Variants in SNTB1 observed in about 807,000 individuals in gnomAD.
SNTB1 encodes the protein syntrophin beta 1.
Under a neutral mutation model 48.9 loss-of-function variants are expected in SNTB1, and 36 were observed. That is an observed-to-expected ratio of 0.74 (90% CI 0.56 to 0.97). The LOEUF (loss-of-function observed/expected upper bound fraction) is 0.97. SNTB1 is among the 50% of genes least tolerant of loss of function. SNTB1 has a pLI of 0.00. For missense variants in SNTB1, 786 were observed against 703.4 expected (o/e 1.12, Z -1.33); for synonymous variants, 299 against 294.6 (o/e 1.01, Z -0.15).
chr8:120,623,431 C>T (rs1563834267), intron 3 of SNTB1, among the ~76,000 whole-genome samples: 1 of 152,216 alleles, frequency 6.6e-6, no homozygotes, highest in Non-Finnish European at 1.5e-5. Context: ...CCCTAACAGC[C>T]TGTGAAATTA....
intron 1 of SNTB1, among the ~76,000 whole-genome samples, chr8:120,760,645 A>G (rs1355447983): frequency 6.6e-6 from 1 of 152,040 alleles, no homozygotes; most frequent in Non-Finnish European, 1.5e-5. Context: ...CCTGCAGGGG[A>G]GGGGAAAAGT....
chr8:120,587,010 C>T lies in SNTB1; in HGVS notation c.997-11785G>A, dbSNP rs1816154518. 2.0e-5 allele frequency among the ~76,000 whole-genome samples: 3 copies of T among 152,136 alleles called. No homozygotes were observed. In the South Asian group the frequency reaches 6.2e-4, roughly 32 times the overall value. On this transcript the variant is annotated intron_variant, in intron 3 of 6. Transcript: ENST00000517992. ...CCGAGGCGGGTGGATCACCTGAGGC[C>T]AGGAGCTCAAGACCAGCCTGGCCAA...
At chr8:120,634,859 T>TC (rs1348848263) in intron 2 of SNTB1, among the ~76,000 whole-genome samples, 5 of 151,668 alleles carry the variant, frequency 3.3e-5, no homozygotes, top group African/African-American at 4.8e-5. Flanking sequence ...TTCATTTTTT[T>TC]TTTTTTTTTT....
rs111919499 is a variant in SNTB1 at position 120,551,327 on chromosome 8, C to G, written c.1137-2369G>C. On this transcript the variant is annotated intron_variant, in intron 4 of 6. Transcript: ENST00000517992. Reference sequence around the variant, plus strand: ...GGTGTAATGGTGAGCACTCTGTACTCTGAATCCAGAAATTAAATAGCTCAC... The same window carrying G: ...GGTGTAATGGTGAGCACTCTGTACTGTGAATCCAGAAATTAAATAGCTCAC... Among the ~76,000 whole-genome samples the G allele has an allele frequency of 8.9e-3, 1,351 of 151,506 alleles. 33 individuals are homozygous for G. Among genetic ancestry groups the G allele is most frequent in the African/African-American group, 0.031 (1,287 of 41,244 alleles).
Position 120,806,963 on chromosome 8 carries a change from G to A in SNTB1, c.571+4310C>T, listed in dbSNP as rs75499983. ...CCTTGGAGAAAGTGATTGTGACAGC[G>A]AGGTTCCAGACCATCTCAGGCAAAC... On this transcript the variant is annotated intron_variant, in intron 1 of 6. Coordinates refer to ENST00000517992, the MANE Select transcript of SNTB1 (RefSeq NM_021021.4). Among the ~76,000 whole-genome samples, 1,083 of 152,248 alleles carry A rather than the reference G, an allele frequency of 7.1e-3. 5 individuals are homozygous for A. The highest frequency in any genetic ancestry group is 0.011 in the Non-Finnish European group (768 of 68,016).
intron 1 of SNTB1, among the ~76,000 whole-genome samples, chr8:120,764,742 C>T (rs1237157380): frequency 6.6e-6 from 1 of 152,032 alleles, no homozygotes; most frequent in African/African-American, 2.4e-5. Context: ...CTGAAGTAAA[C>T]CCACTAGACA....
At chr8:120,542,158 G>T in intron 5 of SNTB1, 158 bp from the exon 6 acceptor site, 2 of 583,902 alleles carry the variant, frequency 3.4e-6, no homozygotes, top group South Asian at 2.6e-5. Context: ...TATTCTGTTT[G>T]GATTTATTTT....
At chr8:120,743,832 A>G (rs1819082421) in intron 1 of SNTB1, among the ~76,000 whole-genome samples, 1 of 152,214 alleles carries the variant, frequency 6.6e-6, no homozygotes, top group Non-Finnish European at 1.5e-5. Context: ...ATTTCTTTAT[A>G]AAAATTTAAT....
intron 3 of SNTB1, among the ~76,000 whole-genome samples, chr8:120,577,114 C>T (rs990959827): frequency 3.9e-5 from 6 of 152,276 alleles, no homozygotes; most frequent in East Asian, 3.9e-4. Context: ...AAGCTTGGTG[C>T]TAACAATTTC....
At chr8:120,539,355 G>A (rs1003365459) in intron 6 of SNTB1, among the ~76,000 whole-genome samples, 1 of 152,148 alleles carries the variant, frequency 6.6e-6, no homozygotes, top group Non-Finnish European at 1.5e-5. Context: ...TGGTTCTGAC[G>A]CTTTTTAGAC....
chr8:120,645,460 G>A (rs1043779367), intron 2 of SNTB1, among the ~76,000 whole-genome samples: 22 of 151,652 alleles, frequency 1.5e-4, no homozygotes, highest in African/African-American at 3.1e-4. Context: ...GTTTGTCAAA[G>A]ATCAGATAGT....
intron 2 of SNTB1, among the ~76,000 whole-genome samples, chr8:120,670,703 T>A (rs1044030940): frequency 6.6e-6 from 1 of 152,228 alleles, no homozygotes; most frequent in Non-Finnish European, 1.5e-5. Flanking sequence ...GGACAATTCC[T>A]CTTTGAAGTC....
At chr8:120,588,250 C>G (rs1769270589) in intron 3 of SNTB1, among the ~76,000 whole-genome samples, 1 of 152,014 alleles carries the variant, frequency 6.6e-6, no homozygotes, top group Non-Finnish European at 1.5e-5. Flanking sequence ...GCCTCAACAT[C>G]ACACCAACAT....
intron 1 of SNTB1, among the ~76,000 whole-genome samples, chr8:120,702,306 C>T (rs1401665079): frequency 6.6e-6 from 1 of 152,212 alleles, no homozygotes; most frequent in African/African-American, 2.4e-5. Context: ...TCCCCTTTCA[C>T]ACAGAGCCAC....
chr8:120,659,311 C>T (rs893233657), intron 2 of SNTB1, among the ~76,000 whole-genome samples: 10 of 152,130 alleles, frequency 6.6e-5, no homozygotes, highest in Admixed American at 5.9e-4. Flanking sequence ...ACCAATTTTA[C>T]AACATCTTCA....
In SNTB1 at chr8:120,676,873, T is replaced by C. The variant is rs554706111; in HGVS notation, c.788+16819A>G. ...GAGTTCAAGAGCAGCCTGGGCAACA[T>C]AGTGAGACCCTGTCTCTACTACAAA... On this transcript the variant is annotated intron_variant, in intron 2 of 6. Coordinates refer to ENST00000517992, the MANE Select transcript of SNTB1 (RefSeq NM_021021.4). 4.6e-5 allele frequency among the ~76,000 whole-genome samples: 7 copies of C among 152,142 alleles called. No individual in the cohort carries two copies. In the South Asian group the frequency reaches 1.2e-3, roughly 27 times the overall value.
rs111898714 is a variant in SNTB1 at position 120,758,509 on chromosome 8, G to C, written c.571+52764C>G. On this transcript the variant is annotated intron_variant, in intron 1 of 6. Transcript: ENST00000517992. Reference sequence around the variant, plus strand: ...CCTTATTTGTGCTTTAGTTACTTTTGCATGGGTTATTTGCTTCACTATTTC... The same window carrying C: ...CCTTATTTGTGCTTTAGTTACTTTTCCATGGGTTATTTGCTTCACTATTTC... Among the ~76,000 whole-genome samples, 467 of 152,266 alleles carry C rather than the reference G, an allele frequency of 3.1e-3. 5 individuals carry two copies. Among genetic ancestry groups the C allele is most frequent in the African/African-American group, 0.011 (450 of 41,560 alleles).
Position 120,536,006 on chromosome 8 carries a change from C to T in SNTB1, c.*2871G>A, listed in dbSNP as rs967387542. The T allele has an allele frequency of 2.6e-5, 4 of 152,160 alleles. No homozygotes were observed. The highest frequency in any genetic ancestry group is 5.9e-5 in the Non-Finnish European group (4 of 68,036). The allele number at this position is 152,160 out of a possible 1,614,324, so 9.4% of individuals were successfully genotyped here. On this transcript the variant is annotated 3_prime_UTR_variant, in exon 7 of 7. Coordinates refer to ENST00000517992, the MANE Select transcript of SNTB1 (RefSeq NM_021021.4). ...TCCTGCTTCAACCAAGCAGAGTCAACAAGGATCATGTGTTTTCAGGGTTTT... is the reference window on the plus strand; with the variant it reads ...TCCTGCTTCAACCAAGCAGAGTCAATAAGGATCATGTGTTTTCAGGGTTTT...
At chr8:120,592,330 C>T (rs11994808) in intron 3 of SNTB1, among the ~76,000 whole-genome samples, 3,763 of 152,008 alleles carry the variant, frequency 0.025, 175 homozygotes, top group African/African-American at 0.083. Flanking sequence ...CAGGTGTGTG[C>T]CACCACACCA....
Sources: allele counts gnomAD v4.1 joint callset (sites outside exome capture counted in the v4.1 genomes callset), GRCh38; gene constraint gnomAD v4.1.1; transcripts MANE v1.5; gene names NCBI Gene and HGNC (gene_info 2026-07-23, HGNC 2026-07-21).